The following TG variants were observed in gnomAD, a reference collection of about 807,000 sequenced individuals.
The protein encoded by TG is thyroid hormones.
In TG, 270 loss-of-function variants were observed where a neutral mutation model predicts 324.7. The ratio of observed to expected loss-of-function variants is 0.83; its 90% CI spans 0.75 to 0.92. TG has a LOEUF of 0.92. Among genes scored for constraint, TG ranks in the 40% least tolerant of loss-of-function variants. The pLI is 0.00. For synonymous variants in TG, 1,401 were observed against 1,327.0 expected (o/e 1.06, Z -1.21); for missense variants, 3,591 against 3,456.4 (o/e 1.04, Z -0.98).
chr8:132,900,191 G>C, intron 14 of TG, 46 bp from the exon 15 acceptor site: 1 of 1,569,114 alleles, frequency 6.4e-7, no homozygotes. Context: ...TTGGCCACTA[G>C]AGCATCTTGC....
intron 41 of TG, chr8:133,076,588 G>A (rs1235046520): frequency 6.6e-6 from 1 of 152,108 alleles, no homozygotes; most frequent in Admixed American, 6.6e-5. Flanking sequence ...TCACACAGAG[G>A]AGTAAAAGAG....
chr8:133,084,237 C>T (rs1006752663), intron 41 of TG, among the ~76,000 whole-genome samples: 40 of 152,144 alleles, frequency 2.6e-4, no homozygotes, highest in East Asian at 1.9e-4. Context: ...AAAGACTTTG[C>T]CTCTGTCTAG....
At chr8:132,990,870 T>G (rs1832227959) in intron 35 of TG, among the ~76,000 whole-genome samples, 1 of 151,820 alleles carries the variant, frequency 6.6e-6, no homozygotes, top group East Asian at 1.9e-4. Flanking sequence ...GCTGCTCCAG[T>G]TTCCCGGGAA....
At chr8:132,905,380 G>A (rs1293275798) in intron 16 of TG, among the ~76,000 whole-genome samples, 1 of 152,108 alleles carries the variant, frequency 6.6e-6, no homozygotes, top group African/African-American at 2.4e-5. Flanking sequence ...TCTTCGCCAG[G>A]GACCATTGCC....
chr8:132,894,023 G>A, intron 11 of TG, 94 bp downstream of exon 11: 7 of 1,599,786 alleles, frequency 4.4e-6, no homozygotes, highest in Non-Finnish European at 6.0e-6. Flanking sequence ...GGACTTTGTG[G>A]TTTGGCTTCC....
chr8:132,976,191 T>A (rs908110752), intron 34 of TG, among the ~76,000 whole-genome samples: 3 of 152,194 alleles, frequency 2.0e-5, no homozygotes, highest in Non-Finnish European at 2.9e-5. Flanking sequence ...TATAACAGAA[T>A]ACCACAGACT....
At chr8:132,940,217 C>T (rs959160686) in intron 25 of TG, among the ~76,000 whole-genome samples, 3 of 152,146 alleles carry the variant, frequency 2.0e-5, no homozygotes, top group African/African-American at 7.2e-5. Context: ...GACGGGAGGT[C>T]AGAGTGGTGA....
Position 132,897,656 on chromosome 8 carries a change from C to T in TG, c.3009C>T (p.Ser1003=). Residue 1003 remains serine, a synonymous_variant, in exon 12 of 48, where the codon AGC becomes AGT. Transcript: ENST00000220616. ...AIRLAAQSTL[S]FYQRRRFSPD... ...CTCCTTCCCTGACTCCAGCCTTAAG[C>T]TTCTATCAGAGACGCCGCTTTTCCC... is the stretch of plus-strand genomic sequence containing the variant. 1.9e-6 allele frequency: 3 copies of T among 1,614,226 alleles called. No individual in the cohort carries two copies. The highest frequency in any genetic ancestry group is 2.5e-6 in the Non-Finnish European group (3 of 1,180,044).
At chr8:133,128,812 G>A (rs898745449) in intron 45 of TG, among the ~76,000 whole-genome samples, 34 of 152,334 alleles carry the variant, frequency 2.2e-4, no homozygotes, top group African/African-American at 7.2e-4. Context: ...CCTCCAGGCT[G>A]ACCATATACT....
chr8:133,011,953 A>T lies in TG; in HGVS notation c.6315A>T (p.Pro2105=), dbSNP rs1220299143. 1 of 1,614,052 alleles carries T rather than the reference A, an allele frequency of 6.2e-7. No individual in the cohort carries two copies. Among genetic ancestry groups the T allele is most frequent in the African/African-American group, 1.3e-5 (1 of 74,914 alleles). ...CCCTCTCTTCAGTGGTTGTTGATCC[A>T]TCCATTAGGCACTTTGATGTTGCCC... ...SLALSSVVVD[P]SIRHFDVAHV... is the part of the protein sequence containing the mutation. The change falls in exon 36 of 48, where the codon CCA becomes CCT. Residue 2105 remains proline (P), a synonymous_variant. Transcript: ENST00000220616.
At position 132,888,184 on chromosome 8, in the gene TG, A is replaced by G. The variant is rs1484075032; in HGVS notation, c.2377A>G (p.Lys793Glu). 1 of 1,614,194 alleles carries G rather than the reference A, an allele frequency of 6.2e-7. No individual in the cohort carries two copies. Among genetic ancestry groups the G allele is most frequent in the Non-Finnish European group, 8.5e-7 (1 of 1,180,034 alleles). ...GTACCAACGATGGGAGGCTCAGAAC[A>G]AGGGCCAGGATCTGACGCCTGCCAA... ...ELYQRWEAQNKGQDLTPAKLL... is the reference protein window; with the variant it reads ...ELYQRWEAQNEGQDLTPAKLL... The change falls in exon 10 of 48, where the codon AAG (lysine) becomes GAG (glutamate). Residue 793 changes from lysine to glutamate, a missense_variant. Coordinates refer to ENST00000220616, the MANE Select transcript of TG (RefSeq NM_003235.5).
chr8:132,891,305 T>C (rs907126117), intron 10 of TG, among the ~76,000 whole-genome samples: 1 of 152,008 alleles, frequency 6.6e-6, no homozygotes, highest in Non-Finnish European at 1.5e-5. Context: ...CAGGAGGGAA[T>C]GAAAGAAGAA....
At chr8:132,921,685 C>T (rs1010068650) in intron 21 of TG, among the ~76,000 whole-genome samples, 10 of 152,174 alleles carry the variant, frequency 6.6e-5, no homozygotes, top group African/African-American at 2.4e-4. Flanking sequence ...ATACTTTTCT[C>T]CTACATTTTA....
intron 41 of TG, among the ~76,000 whole-genome samples, chr8:133,043,119 C>G: frequency 6.6e-6 from 1 of 152,254 alleles, no homozygotes; most frequent in East Asian, 1.9e-4. Flanking sequence ...CAGAGGTGAA[C>G]AGATGACTGT....
chr8:133,092,538 A>G (rs2131614989), intron 41 of TG, among the ~76,000 whole-genome samples: 1 of 152,230 alleles, frequency 6.6e-6, no homozygotes. Flanking sequence ...CAGTGCAGCC[A>G]CAGCTCCCAC....
At position 132,907,319 on chromosome 8, in the gene TG, C is replaced by A. The variant is rs112553340; in HGVS notation, c.3847+419C>A. On this transcript the variant is annotated intron_variant, in intron 17 of 47. Coordinates refer to ENST00000220616, the MANE Select transcript of TG (RefSeq NM_003235.5). The stretch of plus-strand genomic sequence containing the variant: ...CCCCATCAGCCTCTCCCCAAGACCA[C>A]CTGGACTTCCAGGGCTAATGCCTGG... 9.7e-3 allele frequency among the ~76,000 whole-genome samples: 1,472 copies of A among 152,286 alleles called. 19 individuals are homozygous for A. Among genetic ancestry groups the A allele is most frequent in the African/African-American group, 0.034 (1,414 of 41,560 alleles).
intron 41 of TG, among the ~76,000 whole-genome samples, chr8:133,076,488 G>A (rs1441783418): frequency 6.6e-6 from 1 of 152,174 alleles, no homozygotes; most frequent in Non-Finnish European, 1.5e-5. Context: ...AGGTACAAAG[G>A]AACTATTGCA....
chr8:133,088,004 A>G (rs1163656336), intron 41 of TG, among the ~76,000 whole-genome samples: 1 of 152,224 alleles, frequency 6.6e-6, no homozygotes, highest in African/African-American at 2.4e-5. Context: ...ACACAGAAGA[A>G]TGATTAAGAA....
chr8:132,911,898 C>T (rs1466229014), intron 19 of TG, among the ~76,000 whole-genome samples: 2 of 152,104 alleles, frequency 1.3e-5, no homozygotes, highest in Non-Finnish European at 2.9e-5. Flanking sequence ...CATTTCAGAC[C>T]ACTTACACCA....
Sources: allele counts gnomAD v4.1 joint callset (sites outside exome capture counted in the v4.1 genomes callset), GRCh38; gene constraint gnomAD v4.1.1; transcripts MANE v1.5; gene names NCBI Gene and HGNC (gene_info 2026-07-23, HGNC 2026-07-21).